IL23R: variants seen among roughly 807,000 people sequenced by gnomAD.
IL23R encodes the protein interleukin-23 receptor.
IL23R carries 34 observed loss-of-function variants against 56.9 expected under a neutral mutation model. That is an observed-to-expected ratio of 0.60 (90% CI 0.45 to 0.80). The LOEUF (loss-of-function observed/expected upper bound fraction) is 0.80, where lower values mean the gene tolerates loss of function less well. Among genes scored for constraint, IL23R ranks in the 30% least tolerant of loss-of-function variants. The pLI, the probability that IL23R is intolerant of heterozygous loss-of-function variation, is 0.00. For synonymous variants in IL23R, 230 were observed against 249.2 expected, an observed-to-expected ratio of 0.92 and a Z score of 0.73; for missense variants, 635 against 730.0, an observed-to-expected ratio of 0.87 and a Z score of 1.50.
At chr1:67,187,237 A>G (rs1206312477) in intron 4 of IL23R, among the ~76,000 whole-genome samples, 1 of 152,144 alleles carries the variant, frequency 6.6e-6, no homozygotes, top group South Asian at 2.1e-4. Flanking sequence ...ATTCTTGCCA[A>G]CCTTTGTTTT....
intron 7 of IL23R, among the ~76,000 whole-genome samples, chr1:67,232,537 C>T (rs1339566112): frequency 6.6e-6 from 1 of 152,204 alleles, no homozygotes; most frequent in African/African-American, 2.4e-5. Flanking sequence ...ACTCTTCACC[C>T]TCTACCTAGG....
intron 7 of IL23R, among the ~76,000 whole-genome samples, chr1:67,227,819 T>C (rs1650716733): frequency 6.6e-6 from 1 of 152,234 alleles, no homozygotes; most frequent in African/African-American, 2.4e-5. Flanking sequence ...ACTTTTCATT[T>C]GGGTTTAACT....
intron 3 of IL23R, among the ~76,000 whole-genome samples, chr1:67,180,058 G>T (rs62041445): frequency 6.6e-6 from 1 of 152,054 alleles, no homozygotes; most frequent in Non-Finnish European, 1.5e-5. Context: ...CAATTTGGAA[G>T]AGGTGTGGTG....
chr1:67,165,742 A>C (rs1399175895), upstream of IL23R, among the ~76,000 whole-genome samples: 1 of 152,232 alleles, frequency 6.6e-6, no homozygotes, highest in East Asian at 1.9e-4. Flanking sequence ...GATCTCACTT[A>C]TATGCAGAAT....
intron 1 of IL23R, among the ~76,000 whole-genome samples, chr1:67,143,994 G>A (rs867387960): frequency 6.6e-6 from 1 of 152,102 alleles, no homozygotes; most frequent in Admixed American, 6.6e-5. Flanking sequence ...CCATACCAAA[G>A]TTTAGGTGCT....
intron 3 of IL23R, among the ~76,000 whole-genome samples, chr1:67,180,447 C>T (rs972722608): frequency 5.9e-5 from 9 of 151,976 alleles, no homozygotes; most frequent in East Asian, 1.9e-4. Context: ...GCAACCCCTG[C>T]CTTTTTTTGT....
rs1462863162 is a variant in IL23R, at chr1:67,168,143, G to A, written c.23G>A (p.Trp8Ter). 1.9e-6 allele frequency: 3 copies of A among 1,611,876 alleles called. No homozygotes were observed. Among genetic ancestry groups the A allele is most frequent in the South Asian group, 1.1e-5 (1 of 90,990 alleles). MNQVTIQ[W>*]DAVIALYILF... is the part of the protein sequence containing the mutation. The stretch of plus-strand genomic sequence containing the variant: ...GACATGAATCAGGTCACTATTCAAT[G>A]GGATGCAGTAATAGCCCTTTACATA... Residue 8 changes from tryptophan (W) to a stop codon, truncating the protein, a stop_gained, in exon 2 of 11, where the codon TGG (tryptophan) becomes TAG (stop). Transcript: ENST00000347310. LOFTEE classifies it high-confidence loss of function.
At chr1:67,239,059 C>T (rs1276633786) in intron 8 of IL23R, among the ~76,000 whole-genome samples, 2 of 152,090 alleles carry the variant, frequency 1.3e-5, no homozygotes, top group Admixed American at 1.3e-4. Flanking sequence ...GAAGCCAATA[C>T]CCAACATGGC....
intron 7 of IL23R, among the ~76,000 whole-genome samples, chr1:67,229,129 A>T (rs868606807): frequency 1.3e-5 from 2 of 152,284 alleles, no homozygotes; most frequent in South Asian, 4.1e-4. Flanking sequence ...ATAGTGTCAG[A>T]TCCTACAACT....
chr1:67,181,461 C>T (rs982949823), intron 3 of IL23R, among the ~76,000 whole-genome samples: 2 of 152,162 alleles, frequency 1.3e-5, no homozygotes, highest in Non-Finnish European at 2.9e-5. Context: ...ATGTAGTTCT[C>T]GTGCCATGGT....
intron 1 of IL23R, among the ~76,000 whole-genome samples, chr1:67,158,798 C>A (rs142511320): frequency 6.6e-6 from 1 of 151,486 alleles, no homozygotes; most frequent in Non-Finnish European, 1.5e-5. Flanking sequence ...GGAGGAGGGG[C>A]CTGGTGGGAG....
intron 3 of IL23R, among the ~76,000 whole-genome samples, chr1:67,170,352 G>C (rs561878393): frequency 6.6e-6 from 1 of 152,296 alleles, no homozygotes; most frequent in South Asian, 2.1e-4. Context: ...ACAGTCCTCT[G>C]TTCCTAATCT....
At position 67,259,261 on chromosome 1, in the gene IL23R, T is replaced by C; in HGVS notation, c.*133T>C. 1.2e-6 allele frequency: 1 copy of C among 863,954 alleles called. No individual in the cohort carries two copies. The highest frequency in any genetic ancestry group is 1.5e-5 in the South Asian group (1 of 67,760). The allele number at this position is 863,954 out of a possible 1,614,324, so 53.5% of individuals were successfully genotyped here. On this transcript the variant is annotated 3_prime_UTR_variant, in exon 11 of 11. Transcript: ENST00000347310. The stretch of plus-strand genomic sequence containing the variant: ...ATACAAATCTTCACATGGACACATG[T>C]TTTCATTTCCCTTGGATAAATACCT...
chr1:67,160,896 G>T (rs915318330), intron 1 of IL23R, among the ~76,000 whole-genome samples: 1 of 152,094 alleles, frequency 6.6e-6, no homozygotes, highest in African/African-American at 2.4e-5. Flanking sequence ...AAGTATTTAG[G>T]ACATTATGAA....
chr1:67,193,715 A>G (rs1298890509), intron 4 of IL23R, among the ~76,000 whole-genome samples: 1 of 152,210 alleles, frequency 6.6e-6, no homozygotes, highest in Non-Finnish European at 1.5e-5. Flanking sequence ...TCTCCTTTCT[A>G]CTCTCAACAG....
chr1:67,183,847 G>A (rs1458256739), intron 4 of IL23R, among the ~76,000 whole-genome samples: 2 of 152,142 alleles, frequency 1.3e-5, no homozygotes, highest in East Asian at 1.9e-4. Context: ...TCAGGACAAA[G>A]GATTTTCAGT....
At chr1:67,263,129 T>TG, downstream of IL23R, among the ~76,000 whole-genome samples, 1 of 127,292 alleles carries the variant, frequency 7.9e-6, no homozygotes, top group African/African-American at 3.1e-5. Context: ...TTTTTTTTTT[T>TG]TTTAACAGGT....
At chr1:67,216,470 CTT>C (rs1649840288) in intron 6 of IL23R, among the ~76,000 whole-genome samples, 1 of 152,156 alleles carries the variant, frequency 6.6e-6, no homozygotes, top group South Asian at 2.1e-4. Context: ...TCTCAGCAAA[CTT>C]TTTATTCAAG....
intron 3 of IL23R, among the ~76,000 whole-genome samples, chr1:67,180,775 G>A (rs955407765): frequency 6.6e-6 from 1 of 152,140 alleles, no homozygotes; most frequent in Non-Finnish European, 1.5e-5. Context: ...TCCTTTCCAT[G>A]TTTATTGCTT....
Sources: gnomAD v4.1 joint callset for allele counts (sites outside exome capture counted in the v4.1 genomes callset) on GRCh38, gnomAD v4.1.1 for gene constraint, MANE v1.5 for transcripts, NCBI Gene and HGNC (gene_info 2026-07-23, HGNC 2026-07-21) for gene names.